PEX13: variants seen among roughly 807,000 people sequenced by gnomAD.
PEX13 encodes the protein peroxisomal biogenesis factor 13.
PEX13 carries 28 observed loss-of-function variants against 34.5 expected under a neutral mutation model. That is an observed-to-expected ratio of 0.81 (90% CI 0.60 to 1.11). The LOEUF (loss-of-function observed/expected upper bound fraction) is 1.11, where lower values mean the gene tolerates loss of function less well. Ranked by LOEUF, PEX13 falls within the 50% of genes most tolerant of loss-of-function variation. PEX13 has a pLI of 0.00. For synonymous variants in PEX13, 177 were observed against 175.1 expected (o/e 1.01, Z -0.09); for missense variants, 550 against 491.0 (o/e 1.12, Z -1.13).
intron 3 of PEX13, among the ~76,000 whole-genome samples, chr2:61,046,071 G>T (rs540746330): frequency 2.6e-5 from 4 of 152,230 alleles, no homozygotes; most frequent in East Asian, 1.9e-4. Flanking sequence ...ATAAGGAAAG[G>T]CTTTGTTTAT....
At position 61,018,496 on chromosome 2, in the gene PEX13, G is replaced by T. The variant is rs1466642797; in HGVS notation, c.92+645G>T. ...TTTTTTTTTGTTTGGTTTTTAATCA[G>T]TATCAGTTGGTTTCTAGGACTTTAA... On this transcript the variant is annotated intron_variant, in intron 1 of 3. Coordinates refer to ENST00000295030, the MANE Select transcript of PEX13 (RefSeq NM_002618.4). The T allele has an allele frequency of 3.7e-6, 2 of 535,156 alleles. 1 individual carries two copies. Among genetic ancestry groups the T allele is most frequent in the Middle Eastern group, 9.8e-4 (2 of 2,040 alleles). 33.2% of individuals were successfully genotyped at this position (535,156 alleles called of 1,614,324 possible). A position where few individuals can be genotyped will look rare whatever the true frequency, so the allele number is the denominator to read the frequency against.
chr2:61,043,348 A>C (rs919895035), intron 2 of PEX13, among the ~76,000 whole-genome samples: 7 of 151,958 alleles, frequency 4.6e-5, no homozygotes, highest in East Asian at 1.9e-4. Flanking sequence ...AAAAAAAAAA[A>C]AAAACAAATT....
chr2:61,028,028 G>T (rs1049434696), intron 1 of PEX13, among the ~76,000 whole-genome samples: 3 of 152,176 alleles, frequency 2.0e-5, no homozygotes, highest in Non-Finnish European at 4.4e-5. Context: ...TTCAGGCAAG[G>T]ATGATGAATC....
chr2:61,027,425 C>G (rs1680377809), intron 1 of PEX13, among the ~76,000 whole-genome samples: 1 of 152,036 alleles, frequency 6.6e-6, no homozygotes, highest in Non-Finnish European at 1.5e-5. Flanking sequence ...TCAGTTGTTT[C>G]ATTTCCTGGG....
At chr2:61,041,557 C>G (rs1680626518) in intron 2 of PEX13, among the ~76,000 whole-genome samples, 1 of 151,988 alleles carries the variant, frequency 6.6e-6, no homozygotes, top group Non-Finnish European at 1.5e-5. Flanking sequence ...TCATCAAGCT[C>G]CAGCAAGTAG....
At chr2:61,042,051 T>G (rs1680634195) in intron 2 of PEX13, among the ~76,000 whole-genome samples, 1 of 152,264 alleles carries the variant, frequency 6.6e-6, no homozygotes, top group Non-Finnish European at 1.5e-5. Context: ...TCTGGCCTGC[T>G]CCTATTTTTG....
At chr2:61,022,212 C>G (rs1279953696) in intron 1 of PEX13, among the ~76,000 whole-genome samples, 1 of 152,218 alleles carries the variant, frequency 6.6e-6, no homozygotes, top group East Asian at 1.9e-4. Flanking sequence ...TTCAGAAGGT[C>G]GGCAATAACA....
At chr2:61,025,336 CTATCATTATTATTATTAT>C (rs1372850221) in intron 1 of PEX13, among the ~76,000 whole-genome samples, 3 of 148,440 alleles carry the variant, frequency 2.0e-5, no homozygotes, top group African/African-American at 5.0e-5. Context: ...TATGTAAGCC[CTATCATTATTATTATTAT>C]TATCATTATT....
intron 1 of PEX13, among the ~76,000 whole-genome samples, chr2:61,023,113 T>C (rs1488444357): frequency 6.6e-6 from 1 of 152,066 alleles, no homozygotes; most frequent in East Asian, 1.9e-4. Flanking sequence ...TAAGTGGTCC[T>C]CCTGCCTCAG....
In PEX13 at chr2:61,048,974, TA is replaced by T; in HGVS notation, c.*206del. 1 of 569,454 alleles carries T rather than the reference TA, an allele frequency of 1.8e-6. No individual in the cohort carries two copies. Among genetic ancestry groups the T allele is most frequent in the East Asian group, 3.0e-5 (1 of 33,478 alleles). 35.3% of individuals were successfully genotyped at this position (569,454 alleles called of 1,614,324 possible). ...TTTTATTATACACATTATTGGACCA[TA>T]AGGACATTTGTTTCACCTAGATTTT... is the stretch of plus-strand genomic sequence containing the variant. On this transcript the variant is annotated 3_prime_UTR_variant, in exon 4 of 4. Transcript: ENST00000295030.
chr2:61,023,337 C>T (rs1680294466), intron 1 of PEX13, among the ~76,000 whole-genome samples: 1 of 151,912 alleles, frequency 6.6e-6, no homozygotes, highest in South Asian at 2.1e-4. Context: ...ACTGCCTTCT[C>T]CTTAGTAGCC....
chr2:61,047,682 CAAGAA>C (rs1680725737), intron 3 of PEX13, among the ~76,000 whole-genome samples: 1 of 152,054 alleles, frequency 6.6e-6, no homozygotes, highest in Admixed American at 6.6e-5. Flanking sequence ...CTCCATTGCT[CAAGAA>C]AAGTATGTTT....
At chr2:61,023,647 A>G (rs907630168) in intron 1 of PEX13, among the ~76,000 whole-genome samples, 2 of 152,040 alleles carry the variant, frequency 1.3e-5, no homozygotes, top group Non-Finnish European at 2.9e-5. Context: ...TTGGACTATT[A>G]AGACATTTAT....
chr2:61,019,279 A>G (rs1680197576), intron 1 of PEX13, among the ~76,000 whole-genome samples: 1 of 151,762 alleles, frequency 6.6e-6, no homozygotes, highest in Admixed American at 6.6e-5. Flanking sequence ...TCTGTTGCCC[A>G]ATTTTCTATT....
At chr2:61,034,136 A>G (rs541021021) in intron 2 of PEX13, among the ~76,000 whole-genome samples, 3 of 152,060 alleles carry the variant, frequency 2.0e-5, no homozygotes, top group Non-Finnish European at 2.9e-5. Context: ...AGCTGGGACT[A>G]CAGGTGTAGG....
At chr2:61,020,829 A>G (rs755760139) in intron 1 of PEX13, among the ~76,000 whole-genome samples, 13 of 151,710 alleles carry the variant, frequency 8.6e-5, no homozygotes, top group Non-Finnish European at 1.5e-4. Flanking sequence ...TAATTTTTGT[A>G]TTTTTAATAG....
intron 1 of PEX13, chr2:61,018,272 C>G (rs767750682): frequency 3.7e-5 from 58 of 1,550,758 alleles, no homozygotes; most frequent in Non-Finnish European, 4.7e-5. Flanking sequence ...AGGTGTTAAC[C>G]TCTCGAGAAG....
intron 2 of PEX13, among the ~76,000 whole-genome samples, chr2:61,042,863 A>G (rs941300129): frequency 2.0e-5 from 3 of 152,248 alleles, no homozygotes; most frequent in African/African-American, 7.2e-5. Flanking sequence ...TTTGAACAAC[A>G]TGGCCAACTT....
At chr2:61,044,563 T>G (rs1041706425) in intron 2 of PEX13, among the ~76,000 whole-genome samples, 1 of 152,120 alleles carries the variant, frequency 6.6e-6, no homozygotes, top group African/African-American at 2.4e-5. Flanking sequence ...ATTTTGTATT[T>G]TTAGTAGTAA....
Sources: gnomAD v4.1 joint callset for allele counts (sites outside exome capture counted in the v4.1 genomes callset) on GRCh38, gnomAD v4.1.1 for gene constraint, MANE v1.5 for transcripts, NCBI Gene and HGNC (gene_info 2026-07-23, HGNC 2026-07-21) for gene names.